Variants in MLIP observed in about 807,000 individuals in gnomAD.
MLIP encodes the protein muscular LMNA-interacting protein.
MLIP carries 79 observed loss-of-function variants against 84.8 expected under a neutral mutation model. The ratio of observed to expected loss-of-function variants is 0.93; its 90% CI spans 0.78 to 1.12. The LOEUF (loss-of-function observed/expected upper bound fraction) is 1.12. Ranked by LOEUF, MLIP falls within the 50% of genes most tolerant of loss-of-function variation. The pLI is 0.00. For missense variants in MLIP, 1,257 were observed against 1,160.6 expected (o/e 1.08, Z -1.21); for synonymous variants, 504 against 463.0 (o/e 1.09, Z -1.14).
chr6:54,097,718 C>G (rs542180025), intron 1 of MLIP, among the ~76,000 whole-genome samples: 1 of 152,204 alleles, frequency 6.6e-6, no homozygotes, highest in South Asian at 2.1e-4. Context: ...TGAGGGTTTT[C>G]TATGTAACAG....
chr6:54,148,980 G>C, intron 4 of MLIP, 76 bp from the exon 5 acceptor site: 1 of 1,236,378 alleles, frequency 8.1e-7, no homozygotes, highest in African/African-American at 1.5e-5. Context: ...ATTTAACTTG[G>C]TAGAACTGTC....
At chr6:54,230,615 G>C in intron 11 of MLIP, 99 bp from the exon 12 acceptor site, 2 of 1,033,138 alleles carry the variant, frequency 1.9e-6, no homozygotes, top group Non-Finnish European at 2.9e-6. Context: ...TCTTCTTACT[G>C]GTAAGAGATT....
chr6:54,172,650 A>G (rs564418649), intron 9 of MLIP, among the ~76,000 whole-genome samples: 5 of 151,724 alleles, frequency 3.3e-5, no homozygotes, highest in Non-Finnish European at 3.0e-5. Context: ...TAAAATAACA[A>G]GAAAGTGTAT....
intron 1 of MLIP, among the ~76,000 whole-genome samples, chr6:54,036,679 G>T (rs1238841652): frequency 6.6e-6 from 1 of 151,828 alleles, no homozygotes; most frequent in East Asian, 1.9e-4. Flanking sequence ...CAATATGGAG[G>T]TTCCTAAAAA....
At chr6:54,168,853 CTTTTTTTTTT>C (rs3996971) in intron 8 of MLIP, among the ~76,000 whole-genome samples, 2 of 118,812 alleles carry the variant, frequency 1.7e-5, no homozygotes, top group African/African-American at 3.2e-5. Flanking sequence ...GGGTTGAGGT[CTTTTTTTTTT>C]TTTTTTTTTT....
chr6:54,139,229 G>A (rs1229087262), intron 4 of MLIP, among the ~76,000 whole-genome samples: 1 of 152,016 alleles, frequency 6.6e-6, no homozygotes, highest in African/African-American at 2.4e-5. Context: ...AATTTGGAGA[G>A]GCTATATACA....
intron 9 of MLIP, among the ~76,000 whole-genome samples, chr6:54,186,097 C>T (rs1777363673): frequency 6.6e-6 from 1 of 152,144 alleles, no homozygotes; most frequent in South Asian, 2.1e-4. Flanking sequence ...AGGACTTCAT[C>T]ATTTGTACAC....
chr6:54,151,027 C>T (rs778070811), intron 5 of MLIP, among the ~76,000 whole-genome samples: 2 of 152,094 alleles, frequency 1.3e-5, no homozygotes, highest in African/African-American at 2.4e-5. Flanking sequence ...AACATGATAT[C>T]TAAATTTAAA....
intron 1 of MLIP, among the ~76,000 whole-genome samples, chr6:54,077,153 G>C (rs1219479227): frequency 6.6e-6 from 1 of 152,064 alleles, no homozygotes; most frequent in Non-Finnish European, 1.5e-5. Flanking sequence ...AATAATCAAG[G>C]CTGCCATACT....
intron 1 of MLIP, chr6:54,083,403 G>A: frequency 1.4e-6 from 2 of 1,416,690 alleles, no homozygotes; most frequent in South Asian, 2.8e-5. Context: ...AGAGTTGTTG[G>A]GGAAGCAGGG....
chr6:54,111,270 G>A (rs1769438545), upstream of MLIP: 4 of 707,052 alleles, frequency 5.7e-6, no homozygotes, highest in Non-Finnish European at 8.3e-6. Context: ...TCAGCAGTTA[G>A]TATGACCTCT....
At chr6:54,111,215 TTTTTTC>T (rs200384033), upstream of MLIP, among the ~76,000 whole-genome samples, 1,939 of 152,264 alleles carry the variant, frequency 0.013, 46 homozygotes, top group African/African-American at 0.042. Context: ...ATCAGTGGCT[TTTTTTC>T]TTTTTCTTTT....
At chr6:54,114,800 A>T (rs568162) in intron 1 of MLIP, among the ~76,000 whole-genome samples, 8,650 of 152,258 alleles carry the variant, frequency 0.057, 377 homozygotes, top group Non-Finnish European at 0.09. Flanking sequence ...ATTTAATAAT[A>T]CCTCATTGAA....
chr6:54,126,152 T>C (rs547856715), intron 3 of MLIP, among the ~76,000 whole-genome samples: 8 of 152,176 alleles, frequency 5.3e-5, no homozygotes, highest in Admixed American at 2.6e-4. Flanking sequence ...GAAAAGATAA[T>C]GAAATAGTTG....
At chr6:54,164,328 T>G (rs1774963708) in intron 8 of MLIP, among the ~76,000 whole-genome samples, 1 of 152,006 alleles carries the variant, frequency 6.6e-6, no homozygotes, top group Non-Finnish European at 1.5e-5. Flanking sequence ...ATTTTTCTAT[T>G]TATTATTTTC....
chr6:54,189,292 G>A (rs761315518), intron 9 of MLIP, among the ~76,000 whole-genome samples: 1 of 152,050 alleles, frequency 6.6e-6, no homozygotes, highest in Non-Finnish European at 1.5e-5. Flanking sequence ...TTTTAAAAAT[G>A]AAAGAAACTA....
At chr6:54,202,371 C>A in intron 11 of MLIP, 138 bp downstream of exon 11, 2 of 362,066 alleles carry the variant, frequency 5.5e-6, no homozygotes, top group Admixed American at 5.4e-5. Context: ...AGAACATGTT[C>A]ATTTGATTGG....
At chr6:54,237,185 G>A (rs1330945543) in intron 12 of MLIP, among the ~76,000 whole-genome samples, 2 of 151,772 alleles carry the variant, frequency 1.3e-5, no homozygotes, top group Non-Finnish European at 2.9e-5. Flanking sequence ...AAGGGTGTGT[G>A]AGCAAGCAGA....
intron 1 of MLIP, among the ~76,000 whole-genome samples, chr6:54,055,671 T>C (rs571983772): frequency 6.6e-6 from 1 of 152,136 alleles, no homozygotes; most frequent in South Asian, 2.1e-4. Flanking sequence ...AACAAAAATA[T>C]AACAAACATG....
Sources: allele counts gnomAD v4.1 joint callset (sites outside exome capture counted in the v4.1 genomes callset), GRCh38; gene constraint gnomAD v4.1.1; transcripts MANE v1.5; gene names NCBI Gene and HGNC (gene_info 2026-07-23, HGNC 2026-07-21).